The following GABRA3 variants were observed in gnomAD, a reference collection of about 807,000 sequenced individuals.
GABRA3 encodes the protein gamma-aminobutyric acid receptor subunit alpha-3.
GABRA3 carries 10 observed loss-of-function variants against 30.1 expected under a neutral mutation model. That is an observed-to-expected ratio of 0.33 (90% CI 0.20 to 0.56). The LOEUF is 0.56. Among genes scored for constraint, GABRA3 ranks in the 20% least tolerant of loss-of-function variants. GABRA3 has a pLI of 0.89. For missense variants in GABRA3, 233 were observed against 392.0 expected, an observed-to-expected ratio of 0.59 and a Z score of 3.42; for synonymous variants, 151 against 146.8, an observed-to-expected ratio of 1.03 and a Z score of -0.21.
intron 3 of GABRA3, among the ~76,000 whole-genome samples, chrX:152,344,400 AAG>A (rs1940360218): frequency 8.9e-6 from 1 of 111,980 alleles, no homozygotes. Context: ...ATTAAAGAGA[AAG>A]AGATTTTTTC....
intron 1 of GABRA3, among the ~76,000 whole-genome samples, chrX:152,395,036 G>A (rs1397785790): frequency 9.0e-6 from 1 of 110,791 alleles, no homozygotes; most frequent in East Asian, 2.9e-4. Flanking sequence ...TTCTTACTTG[G>A]GTAGATATGG....
rs1936953419 is a variant in GABRA3 at position 152,167,689 on chromosome X, A to G, written c.*539T>C. 8.7e-6 allele frequency: 1 copy of G among 114,317 alleles called. No individual in the cohort carries two copies. Among genetic ancestry groups the G allele is most frequent in the African/African-American group, 3.2e-5 (1 of 30,886 alleles). 9.4% of individuals were successfully genotyped at this position (114,317 alleles called of 1,213,427 possible). A position where few individuals can be genotyped will look rare whatever the true frequency, so the allele number is the denominator to read the frequency against. On this transcript the variant is annotated 3_prime_UTR_variant, in exon 10 of 10. Coordinates refer to ENST00000370314, the MANE Select transcript of GABRA3 (RefSeq NM_000808.4). The stretch of plus-strand genomic sequence containing the variant: ...TCCCCACTAATTTCCAAACCAATAA[A>G]TGGGTTGGGGGTGTAGAACTGGCTC...
chrX:152,323,687 G>T (rs1207041003), intron 3 of GABRA3, among the ~76,000 whole-genome samples: 4 of 111,774 alleles, frequency 3.6e-5, no homozygotes, highest in Non-Finnish European at 7.5e-5. Context: ...GTAATGAGAG[G>T]ATTAAACTGT....
chrX:152,367,672 C>T (rs1390424287), intron 1 of GABRA3, among the ~76,000 whole-genome samples: 1 of 110,892 alleles, frequency 9.0e-6, no homozygotes, highest in African/African-American at 3.3e-5. Context: ...TTTAAGATAC[C>T]TCTCACAAAA....
intron 2 of GABRA3, among the ~76,000 whole-genome samples, chrX:152,361,606 T>A (rs1603248008): frequency 9.5e-6 from 1 of 105,283 alleles, no homozygotes; most frequent in African/African-American, 3.5e-5. Flanking sequence ...CGAATGAATA[T>A]AATGAACATG....
intron 1 of GABRA3, among the ~76,000 whole-genome samples, chrX:152,412,266 T>C (rs1336388995): frequency 9.0e-6 from 1 of 111,658 alleles, no homozygotes; most frequent in Non-Finnish European, 1.9e-5. Context: ...GTTTGGTGAG[T>C]CCTCAGTAAG....
chrX:152,444,832 C>T (rs1175646733), intron 1 of GABRA3, among the ~76,000 whole-genome samples: 3 of 86,026 alleles, frequency 3.5e-5, no homozygotes, highest in Admixed American at 1.5e-4. Context: ...GAGGCCGAGG[C>T]GGGCGGATCA....
chrX:152,381,771 A>C (rs1203967292), intron 1 of GABRA3, among the ~76,000 whole-genome samples: 2 of 108,471 alleles, frequency 1.8e-5, no homozygotes, highest in Non-Finnish European at 3.8e-5. Context: ...TCATTGTTCA[A>C]CTCCCACTTA....
At chrX:152,397,737 G>A (rs760509749) in intron 1 of GABRA3, among the ~76,000 whole-genome samples, 1 of 111,281 alleles carries the variant, frequency 9.0e-6, no homozygotes, top group African/African-American at 3.3e-5. Context: ...TACACGAAAG[G>A]AGAAATTTCT....
chrX:152,246,054 C>G (rs1055995750), intron 5 of GABRA3, among the ~76,000 whole-genome samples: 1 of 111,453 alleles, frequency 9.0e-6, no homozygotes, highest in Non-Finnish European at 1.9e-5. Context: ...AAGAAGAGAC[C>G]GAGACCCAGA....
chrX:152,292,376 TG>T (rs1939437293), intron 3 of GABRA3, among the ~76,000 whole-genome samples: 1 of 112,106 alleles, frequency 8.9e-6, no homozygotes, highest in Non-Finnish European at 1.9e-5. Context: ...TGTATTTCTG[TG>T]GGATCGGTGG....
intron 3 of GABRA3, among the ~76,000 whole-genome samples, chrX:152,321,212 C>A (rs1250930135): frequency 9.0e-6 from 1 of 111,287 alleles, no homozygotes; most frequent in Non-Finnish European, 1.9e-5. Context: ...GGTTAAATAA[C>A]CTCACATAGG....
chrX:152,170,209 T>C (rs750820790), intron 9 of GABRA3, among the ~76,000 whole-genome samples: 44 of 112,614 alleles, frequency 3.9e-4, no homozygotes, highest in Non-Finnish European at 4.1e-4. Flanking sequence ...AGGGACAAAG[T>C]ACCTGCAGGC....
chrX:152,195,564 T>A lies in GABRA3; in HGVS notation c.931+2069A>T, dbSNP rs191700866. Among the ~76,000 whole-genome samples the A allele has an allele frequency of 7.7e-4, 86 of 112,040 alleles. 1 individual carries two copies. In the South Asian group the frequency reaches 0.018, roughly 23 times the overall value. On this transcript the variant is annotated intron_variant, in intron 8 of 9. Coordinates refer to ENST00000370314, the MANE Select transcript of GABRA3 (RefSeq NM_000808.4). ...TGGAGGCTCTAAAGGAATAATCTAT[T>A]ACCTTTTTCAGCTTCTAGAGCTGTA...
intron 1 of GABRA3, among the ~76,000 whole-genome samples, chrX:152,408,685 T>A (rs780572716): frequency 9.1e-6 from 1 of 109,305 alleles, no homozygotes; most frequent in Non-Finnish European, 1.9e-5. Flanking sequence ...GCCAAAGATA[T>A]TCTTCACAGA....
intron 6 of GABRA3, among the ~76,000 whole-genome samples, chrX:152,222,915 CT>C (rs1177629769): frequency 1.8e-5 from 2 of 109,307 alleles, no homozygotes; most frequent in African/African-American, 6.7e-5. Context: ...TGCTTTTCAA[CT>C]TTTTTCATAT....
At chrX:152,382,853 T>G (rs2124508409) in intron 1 of GABRA3, among the ~76,000 whole-genome samples, 1 of 111,824 alleles carries the variant, frequency 8.9e-6, no homozygotes, top group Non-Finnish European at 1.9e-5. Flanking sequence ...ATTTCTGGGC[T>G]TCCTATCCTG....
intron 4 of GABRA3, among the ~76,000 whole-genome samples, chrX:152,258,410 G>C (rs1326588207): frequency 9.0e-6 from 1 of 111,344 alleles, no homozygotes. Flanking sequence ...AATATGAAAG[G>C]GAGATATAGT....
intron 5 of GABRA3, 116 bp from the exon 6 acceptor site, chrX:152,224,961 T>C (rs1166061199): frequency 4.1e-6 from 2 of 489,646 alleles, no homozygotes; most frequent in African/African-American, 2.3e-5. Context: ...TTAAGTTCAC[T>C]GAGATTCAAG....
Sources: gnomAD v4.1 joint callset for allele counts (sites outside exome capture counted in the v4.1 genomes callset) on GRCh38, gnomAD v4.1.1 for gene constraint, MANE v1.5 for transcripts, NCBI Gene and HGNC (gene_info 2026-07-23, HGNC 2026-07-21) for gene names.